The following ALPK1 variants were observed in gnomAD, a reference collection of about 807,000 sequenced individuals.
ALPK1 encodes alpha-protein kinase 1.
ALPK1 carries 110 observed loss-of-function variants against 120.6 expected under a neutral mutation model. The ratio of observed to expected loss-of-function variants is 0.91; its 90% CI spans 0.78 to 1.07. ALPK1 has a LOEUF of 1.07. ALPK1 is among the 50% of genes least tolerant of loss of function. The probability of loss-of-function intolerance (pLI) is 0.00; values close to 1 mark genes in which losing one functional copy is unlikely to be tolerated. For missense variants in ALPK1, 1,498 were observed against 1,483.9 expected, an observed-to-expected ratio of 1.01 and a Z score of -0.16; for synonymous variants, 582 against 560.3, an observed-to-expected ratio of 1.04 and a Z score of -0.55.
At position 112,432,104 on chromosome 4, in the gene ALPK1, G is replaced by A. The variant is rs1043454704; in HGVS notation, c.2557G>A (p.Glu853Lys). The A allele has an allele frequency of 6.2e-6, 10 of 1,614,212 alleles. No homozygotes were observed. The highest frequency in any genetic ancestry group is 7.6e-6 in the Non-Finnish European group (9 of 1,180,020). ...CGACCCTGATGCCTCCACAGTGGAT[G>A]AGGAGGGGCAACTGCTCGACAGCAT... is the stretch of plus-strand genomic sequence containing the variant. ...GIDPDASTVDEEGQLLDSMDV... is the reference protein window; with the variant it reads ...GIDPDASTVDKEGQLLDSMDV... Residue 853 changes from glutamate (E) to lysine (K), a missense_variant, in exon 11 of 16, where the codon GAG becomes AAG. Transcript: ENST00000650871.
intron 2 of ALPK1, among the ~76,000 whole-genome samples, chr4:112,348,413 T>C (rs2148709486): frequency 6.6e-6 from 1 of 152,342 alleles, no homozygotes; most frequent in African/African-American, 2.4e-5. Context: ...GAGAGGTAAG[T>C]CAACAAAAAA....
chr4:112,405,087 G>A (rs181673630), intron 4 of ALPK1, among the ~76,000 whole-genome samples: 10 of 152,288 alleles, frequency 6.6e-5, no homozygotes, highest in African/African-American at 2.4e-4. Context: ...ATATTCTGCT[G>A]AAGACTCAAA....
In ALPK1 at chr4:112,412,019, A is replaced by C. The variant is rs1163253989; in HGVS notation, c.469A>C (p.Asn157His). Residue 157 changes from asparagine (N) to histidine (H), a missense_variant, in exon 5 of 16, where the codon AAC (asparagine) becomes CAC (histidine). Asn to His is a moderately conservative substitution (Grantham distance 68). Coordinates refer to ENST00000650871, the MANE Select transcript of ALPK1 (RefSeq NM_025144.4). ...TATTCGCCAAGCCCGAATCTCCGTGAACTCAGGTATGCTCCCTCCTGCTGG... is the reference window on the plus strand; with the variant it reads ...TATTCGCCAAGCCCGAATCTCCGTGCACTCAGGTATGCTCCCTCCTGCTGG... The part of the protein sequence containing the change: ...VVIRQARISV[N>H]SGKLLKAEYI... 2 of 1,613,804 alleles carry C rather than the reference A, an allele frequency of 1.2e-6. No individual in the cohort carries two copies. Among genetic ancestry groups the C allele is most frequent in the Non-Finnish European group, 1.7e-6 (2 of 1,180,018 alleles).
rs762283232 is a variant in ALPK1, at chr4:112,431,141, A to G, written c.1594A>G (p.Arg532Gly). The change falls in exon 11 of 16, where the codon AGA becomes GGA. Residue 532 changes from arginine (R) to glycine (G), a missense_variant. By Grantham distance (125) the Arg-to-Gly change is moderately radical. Coordinates refer to ENST00000650871, the MANE Select transcript of ALPK1 (RefSeq NM_025144.4). ...LMGKNVQREL[R>G]RGGRRNWTHS... ...GGGTAAGAATGTTCAGAGGGAACTC[A>G]GAAGGGGAGGAAGGAGAAACTGGAC... 3 of 1,614,190 alleles carry G rather than the reference A, an allele frequency of 1.9e-6. No individual in the cohort carries two copies. In the Admixed American group the frequency reaches 5.0e-5, roughly 27 times the overall value.
chr4:112,325,667 C>T (rs977553317), intron 2 of ALPK1, among the ~76,000 whole-genome samples: 4 of 152,288 alleles, frequency 2.6e-5, no homozygotes, highest in African/African-American at 7.2e-5. Context: ...CCTCCCTGCC[C>T]CACTTTGTCC....
intron 11 of ALPK1, among the ~76,000 whole-genome samples, chr4:112,433,554 A>G (rs569590639): frequency 6.6e-6 from 1 of 152,200 alleles, no homozygotes; most frequent in Non-Finnish European, 1.5e-5. Context: ...GGAACAGCCC[A>G]ATGTCACTGC....
chr4:112,387,038 TGATG>T (rs1235166879), intron 4 of ALPK1, among the ~76,000 whole-genome samples: 7 of 152,154 alleles, frequency 4.6e-5, no homozygotes, highest in Non-Finnish European at 1.0e-4. Context: ...GCAAAACCTT[TGATG>T]GATTTTTCAA....
intron 2 of ALPK1, among the ~76,000 whole-genome samples, chr4:112,372,317 C>T (rs1239004504): frequency 6.6e-6 from 1 of 151,622 alleles, no homozygotes; most frequent in Non-Finnish European, 1.5e-5. Flanking sequence ...AGGTTCATGC[C>T]ATTCTCCTGC....
At chr4:112,418,649 A>G (rs1221017644) in intron 5 of ALPK1, among the ~76,000 whole-genome samples, 1 of 152,196 alleles carries the variant, frequency 6.6e-6, no homozygotes. Context: ...CCATCTTGCC[A>G]GCTGACAAAG....
chr4:112,357,048 G>T, intron 2 of ALPK1: 1 of 879,158 alleles, frequency 1.1e-6, no homozygotes, highest in Non-Finnish European at 1.9e-6. Context: ...ACCAGCTCAG[G>T]GCTGAACATG....
In ALPK1 at chr4:112,412,324, G is replaced by C. The variant is rs1441774587; in HGVS notation, c.475+299G>C. ...ATCTGTCCTGCTGCTTTCAAACAGG[G>C]GTATCTGAATTGCTATACTTCTGAC... On this transcript the variant is annotated intron_variant, in intron 5 of 15. Coordinates refer to ENST00000650871, the MANE Select transcript of ALPK1 (RefSeq NM_025144.4). 5.3e-6 allele frequency: 3 copies of C among 561,514 alleles called. No individual in the cohort carries two copies. The East Asian group carries it at 1.3e-4, about 24-fold the overall frequency. The allele number at this position is 561,514 out of a possible 1,614,324, so 34.8% of individuals were successfully genotyped here.
At chr4:112,375,800 C>A (rs1031507507) in intron 2 of ALPK1, among the ~76,000 whole-genome samples, 10 of 150,390 alleles carry the variant, frequency 6.6e-5, no homozygotes, top group Admixed American at 6.0e-4. Context: ...AGAGGCCTAT[C>A]TTTTGGCCTA....
intron 1 of ALPK1, among the ~76,000 whole-genome samples, chr4:112,314,550 A>G (rs1728550820): frequency 6.6e-6 from 1 of 152,226 alleles, no homozygotes. Flanking sequence ...GATTTCAAGG[A>G]ATGGAGAGTC....
intron 2 of ALPK1, among the ~76,000 whole-genome samples, chr4:112,367,245 C>A (rs565956169): frequency 6.6e-6 from 1 of 152,122 alleles, no homozygotes; most frequent in Non-Finnish European, 1.5e-5. Context: ...ACAGTGTATA[C>A]ACGGTTGATC....
At chr4:112,427,896 G>GTGAA (rs1002612288) in intron 9 of ALPK1, 61 of 359,948 alleles carry the variant, frequency 1.7e-4, no homozygotes, top group African/African-American at 1.4e-4. Context: ...AAAGTTACTG[G>GTGAA]TGAATGAATG....
intron 10 of ALPK1, among the ~76,000 whole-genome samples, chr4:112,429,839 C>CAAAA (rs756983786): frequency 0.028 from 1,099 of 39,882 alleles, 11 homozygotes; most frequent in Non-Finnish European, 0.041. Flanking sequence ...GACCCTACCT[C>CAAAA]AAAAAAAAAA....
chr4:112,362,130 A>T (rs1382558382), intron 2 of ALPK1, among the ~76,000 whole-genome samples: 1 of 152,240 alleles, frequency 6.6e-6, no homozygotes, highest in Non-Finnish European at 1.5e-5. Context: ...AGTCTAACCA[A>T]ATGAGAAGGA....
At chr4:112,427,699 A>G in intron 9 of ALPK1, 34 bp downstream of exon 9, 1 of 1,489,848 alleles carries the variant, frequency 6.7e-7, no homozygotes, top group Non-Finnish European at 9.4e-7. Context: ...CATCACCTGT[A>G]AAATTGTCAA....
intron 1 of ALPK1, among the ~76,000 whole-genome samples, chr4:112,302,984 C>G (rs547377991): frequency 6.6e-5 from 10 of 152,314 alleles, no homozygotes; most frequent in African/African-American, 2.4e-4. Context: ...TTCTCTGTCT[C>G]TCTTTCTAAA....
Sources: allele counts gnomAD v4.1 joint callset (sites outside exome capture counted in the v4.1 genomes callset), GRCh38; gene constraint gnomAD v4.1.1; transcripts MANE v1.5; gene names NCBI Gene and HGNC (gene_info 2026-07-23, HGNC 2026-07-21).